Variants in RGS8 observed in about 807,000 individuals in gnomAD.
The protein encoded by RGS8 is regulator of G protein signaling 8.
A neutral mutation model predicts 21.7 loss-of-function variants in RGS8; 8 were observed. That is an observed-to-expected ratio of 0.37 (90% CI 0.22 to 0.66). RGS8 has a LOEUF of 0.66. Ranked by LOEUF, RGS8 falls within the 30% of genes least tolerant of loss-of-function variation. The pLI, the probability that RGS8 is intolerant of heterozygous loss-of-function variation, is 0.59. For synonymous variants in RGS8, 80 were observed against 83.6 expected (o/e 0.96, Z 0.24); for missense variants, 157 against 217.9 (o/e 0.72, Z 1.76).
At chr1:182,729,469 C>T in the RGS8 span, among the ~76,000 whole-genome samples, 1 of 152,192 alleles carries the variant, frequency 6.6e-6, no homozygotes, top group Admixed American at 6.5e-5. Context: ...AATCATTTCT[C>T]ATTTACATTT....
chr1:182,657,194 A>G (rs1318909650), intron 5 of RGS8, among the ~76,000 whole-genome samples: 3 of 150,054 alleles, frequency 2.0e-5, no homozygotes, highest in South Asian at 2.1e-4. Context: ...CCAGCTCCAC[A>G]CTGTTTCTCC....
the RGS8 span, among the ~76,000 whole-genome samples, chr1:182,707,205 A>G: frequency 1.6e-4 from 24 of 152,158 alleles, no homozygotes; most frequent in African/African-American, 5.8e-4. Flanking sequence ...AGGAACAAAA[A>G]CAAGATTGTG....
intron 1 of RGS8, among the ~76,000 whole-genome samples, chr1:182,679,182 G>C (rs548828186): frequency 9.9e-5 from 15 of 152,158 alleles, no homozygotes; most frequent in Non-Finnish European, 1.9e-4. Flanking sequence ...AAACACCCTT[G>C]GGTGTTTCTC....
At chr1:182,698,034 C>G in the RGS8 span, among the ~76,000 whole-genome samples, 8 of 152,190 alleles carry the variant, frequency 5.3e-5, no homozygotes, top group Admixed American at 3.9e-4. Context: ...ATGACACAAA[C>G]AGGCGATTGC....
chr1:182,671,521 G>C, intron 2 of RGS8, 136 bp downstream of exon 3: 1 of 713,324 alleles, frequency 1.4e-6, no homozygotes. Flanking sequence ...TTACAAAGAG[G>C]GGGAGAGAAA....
the RGS8 span, among the ~76,000 whole-genome samples, chr1:182,732,746 G>A: frequency 2.0e-5 from 3 of 152,002 alleles, no homozygotes; most frequent in Non-Finnish European, 4.4e-5. Context: ...TGCTATAGAA[G>A]GACAAAGAAA....
intron 5 of RGS8, 106 bp from the exon 7 acceptor site, chr1:182,648,409 C>A: frequency 8.7e-7 from 1 of 1,150,066 alleles, no homozygotes; most frequent in Non-Finnish European, 1.2e-6. Context: ...CCTAATTGTC[C>A]AAGCTCACTG....
chr1:182,643,333 C>CA (rs1553214948), downstream of RGS8: 1 of 126,356 alleles, frequency 7.9e-6, no homozygotes, highest in African/African-American at 3.6e-5. Context: ...GCCCCCCCGC[C>CA]CCCGCGCTGT....
chr1:182,719,831 T>C, the RGS8 span, among the ~76,000 whole-genome samples: 1 of 152,228 alleles, frequency 6.6e-6, no homozygotes, highest in Non-Finnish European at 1.5e-5. Flanking sequence ...GTCACTTTTG[T>C]TAGTTAAGGG....
At chr1:182,703,819 G>A in the RGS8 span, among the ~76,000 whole-genome samples, 1 of 152,222 alleles carries the variant, frequency 6.6e-6, no homozygotes, top group Admixed American at 6.5e-5. Flanking sequence ...GGGTGATGCC[G>A]AGTAGGCTGA....
chr1:182,740,993 T>C, the RGS8 span, among the ~76,000 whole-genome samples: 7 of 152,046 alleles, frequency 4.6e-5, no homozygotes, highest in African/African-American at 1.4e-4. Flanking sequence ...TTTCTCAATC[T>C]TTTCCCCACC....
At chr1:182,693,946 AACAAAC>A in the RGS8 span, among the ~76,000 whole-genome samples, 1 of 152,218 alleles carries the variant, frequency 6.6e-6, no homozygotes, top group South Asian at 2.1e-4. Context: ...TAAAGAGAAG[AACAAAC>A]ACACAGGGCC....
chr1:182,663,676 A>C (rs1663712280), intron 5 of RGS8, among the ~76,000 whole-genome samples: 2 of 151,388 alleles, frequency 1.3e-5, no homozygotes, highest in Non-Finnish European at 1.5e-5. Context: ...GACTGCAGAC[A>C]TTCACCATCG....
the RGS8 span, among the ~76,000 whole-genome samples, chr1:182,742,190 G>A: frequency 2.0e-5 from 3 of 150,810 alleles, no homozygotes; most frequent in Admixed American, 6.6e-5. Context: ...TGGCGGCCGG[G>A]AAGAGGCGCT....
chr1:182,744,225 C>T, the RGS8 span, among the ~76,000 whole-genome samples: 1 of 152,120 alleles, frequency 6.6e-6, no homozygotes, highest in Non-Finnish European at 1.5e-5. Context: ...GCAGTCACTG[C>T]TGCTTTAACT....
chr1:182,646,592 T>C, exon 7 of RGS8: 1 of 699,276 alleles, frequency 1.4e-6, no homozygotes, highest in Non-Finnish European at 2.4e-6. Flanking sequence ...TACTTTGGAA[T>C]GGCCCTTCAT....
At chr1:182,736,613 C>T in the RGS8 span, among the ~76,000 whole-genome samples, 1 of 152,310 alleles carries the variant, frequency 6.6e-6, no homozygotes, top group Non-Finnish European at 1.5e-5. Context: ...AAACCTATGT[C>T]ATGGATGTTA....
the RGS8 span, among the ~76,000 whole-genome samples, chr1:182,707,051 C>T: frequency 2.6e-5 from 4 of 151,774 alleles, no homozygotes; most frequent in Admixed American, 6.6e-5. Context: ...CCCAGCTACT[C>T]GGGAGGCTGA....
chr1:182,660,855 A>G (rs1663549169), intron 5 of RGS8, among the ~76,000 whole-genome samples: 1 of 151,788 alleles, frequency 6.6e-6, no homozygotes, highest in African/African-American at 2.4e-5. Context: ...TAGGTCTGAG[A>G]GGACCCGCAG....
Sources: gnomAD v4.1 joint callset for allele counts (sites outside exome capture counted in the v4.1 genomes callset) on GRCh38, gnomAD v4.1.1 for gene constraint, MANE v1.5 for transcripts, NCBI Gene and HGNC (gene_info 2026-07-23, HGNC 2026-07-21) for gene names.